NRG3: variants seen among roughly 807,000 people sequenced by gnomAD.
The protein encoded by NRG3 is neuregulin 3, also known as pro-neuregulin-3, membrane-bound isoform.
In NRG3, 31 loss-of-function variants were observed where a neutral mutation model predicts 66.9. That is an observed-to-expected ratio of 0.46 (90% CI 0.35 to 0.63). The LOEUF is 0.63. Ranked by LOEUF, NRG3 falls within the 20% of genes least tolerant of loss-of-function variation. The pLI is 0.00. For missense variants in NRG3, 910 were observed against 878.9 expected, an observed-to-expected ratio of 1.04 and a Z score of -0.45; for synonymous variants, 393 against 359.4, an observed-to-expected ratio of 1.09 and a Z score of -1.06.
intron 2 of NRG3, among the ~76,000 whole-genome samples, chr10:82,363,110 G>T (rs1310306383): frequency 6.6e-6 from 1 of 151,920 alleles, no homozygotes. Context: ...TAACAAATAT[G>T]GCAAAGAATT....
intron 1 of NRG3, among the ~76,000 whole-genome samples, chr10:82,057,723 T>C (rs1535159): frequency 1 from 152,283 of 152,284 alleles, 76,141 homozygotes; most frequent in Middle Eastern, 1. Context: ...TCTCCTTCAC[T>C]GCCTCCTCTT....
intron 2 of NRG3, among the ~76,000 whole-genome samples, chr10:82,658,876 T>C (rs1215166467): frequency 6.6e-6 from 1 of 152,226 alleles, no homozygotes; most frequent in East Asian, 1.9e-4. Context: ...CAATCATTTT[T>C]CACATGGGAA....
At chr10:81,975,314 CATCTATCTATCT>C (rs140419592) in intron 1 of NRG3, among the ~76,000 whole-genome samples, 22,358 of 143,636 alleles carry the variant, frequency 0.16, 1,716 homozygotes, top group Middle Eastern at 0.19. Flanking sequence ...AATTGTGTAA[CATCTATCTATCT>C]ATCTATCTAT....
At chr10:82,980,713 A>G (rs1237390199) in intron 8 of NRG3, among the ~76,000 whole-genome samples, 1 of 152,222 alleles carries the variant, frequency 6.6e-6, no homozygotes, top group Non-Finnish European at 1.5e-5. Flanking sequence ...TTTTGAAGCA[A>G]TTCCAAATGG....
intron 1 of NRG3, among the ~76,000 whole-genome samples, chr10:82,279,962 C>G (rs2079047170): frequency 6.6e-6 from 1 of 152,022 alleles, no homozygotes; most frequent in Non-Finnish European, 1.5e-5. Context: ...AATGAGAGAC[C>G]AATGGGATTG....
At chr10:81,946,898 G>T (rs537303147) in intron 1 of NRG3, among the ~76,000 whole-genome samples, 2 of 152,150 alleles carry the variant, frequency 1.3e-5, no homozygotes, top group South Asian at 4.1e-4. Flanking sequence ...GCTTAGTATC[G>T]CCATCTTCCA....
intron 2 of NRG3, among the ~76,000 whole-genome samples, chr10:82,545,518 A>G (rs900140424): frequency 2.6e-5 from 4 of 151,202 alleles, no homozygotes; most frequent in Admixed American, 2.6e-4. Context: ...AGCTGGTACT[A>G]TAGGCACCCG....
intron 2 of NRG3, 56 bp from the exon 3 acceptor site, chr10:82,738,521 A>C: frequency 7.3e-7 from 1 of 1,374,030 alleles, no homozygotes; most frequent in Non-Finnish European, 1.0e-6. Flanking sequence ...ACTTGTTGAA[A>C]TCTTAAGTCT....
rs142335780 is a variant in NRG3 at position 82,731,382 on chromosome 10, A to AAAG, written c.954-7193_954-7192insGAA. Among the ~76,000 whole-genome samples, 1,099 of 145,920 alleles carry AAAG rather than the reference A, an allele frequency of 7.5e-3. 25 individuals are homozygous for AAAG. The highest frequency in any genetic ancestry group is 0.02 in the African/African-American group (794 of 40,118). The stretch of plus-strand genomic sequence containing the variant: ...ACTCTGTCTCAAAAAAAAAAAAAAA[A>AAAG]AAAAGAAAATGTCATTAGTCTTTGA... On this transcript the variant is annotated intron_variant, in intron 2 of 8. Coordinates refer to ENST00000372141, the MANE Select transcript of NRG3 (RefSeq NM_001010848.4).
intron 1 of NRG3, among the ~76,000 whole-genome samples, chr10:81,919,647 A>T (rs1336772932): frequency 6.6e-6 from 1 of 152,176 alleles, no homozygotes; most frequent in Non-Finnish European, 1.5e-5. Flanking sequence ...CAACATGGAC[A>T]TGGCAAATGA....
At chr10:82,234,817 C>T (rs1219418249) in intron 1 of NRG3, among the ~76,000 whole-genome samples, 3 of 152,132 alleles carry the variant, frequency 2.0e-5, no homozygotes, top group African/African-American at 4.8e-5. Context: ...GCTGACAAGG[C>T]TGTCTACACT....
At chr10:82,157,733 T>C (rs977882236) in intron 1 of NRG3, among the ~76,000 whole-genome samples, 1 of 44,290 alleles carries the variant, frequency 2.3e-5, no homozygotes, top group African/African-American at 1.3e-4. Context: ...GGCAGAATGT[T>C]TGTGGTGTTA....
intron 2 of NRG3, among the ~76,000 whole-genome samples, chr10:82,456,173 T>C (rs1185773803): frequency 6.9e-6 from 1 of 145,926 alleles, no homozygotes; most frequent in Non-Finnish European, 1.5e-5. Context: ...AGAGAGGGCT[T>C]CACTTTGCTG....
At chr10:81,964,151 A>G (rs116466564) in intron 1 of NRG3, among the ~76,000 whole-genome samples, 94 of 152,296 alleles carry the variant, frequency 6.2e-4, no homozygotes, top group African/African-American at 2.1e-3. Context: ...CTCTGCATCA[A>G]GATATACACA....
intron 1 of NRG3, among the ~76,000 whole-genome samples, chr10:82,027,874 T>A (rs372802592): frequency 3.9e-4 from 60 of 151,926 alleles, no homozygotes; most frequent in African/African-American, 1.4e-3. Flanking sequence ...AGACAGGAGG[T>A]GGAGAGCAGA....
At chr10:82,335,069 A>C (rs1021795818) in intron 1 of NRG3, among the ~76,000 whole-genome samples, 1 of 152,346 alleles carries the variant, frequency 6.6e-6, no homozygotes, top group East Asian at 1.9e-4. Context: ...TTATGCCAAC[A>C]ATCAGCCCAC....
intron 1 of NRG3, among the ~76,000 whole-genome samples, chr10:82,086,600 C>G (rs570715950): frequency 6.6e-6 from 1 of 152,064 alleles, no homozygotes; most frequent in Non-Finnish European, 1.5e-5. Context: ...ATTGAAATAA[C>G]CATCATCAAG....
At chr10:82,913,476 G>T (rs995594890) in intron 4 of NRG3, among the ~76,000 whole-genome samples, 7 of 151,980 alleles carry the variant, frequency 4.6e-5, no homozygotes, top group African/African-American at 1.7e-4. Flanking sequence ...TTTTTGCAAG[G>T]TATGTGTACT....
At chr10:82,615,404 G>A (rs142332372) in intron 2 of NRG3, among the ~76,000 whole-genome samples, 47 of 152,012 alleles carry the variant, frequency 3.1e-4, no homozygotes, top group African/African-American at 1.1e-3. Context: ...CATTGTTAAT[G>A]GTATATTGTT....
Sources: allele counts gnomAD v4.1 joint callset (sites outside exome capture counted in the v4.1 genomes callset), GRCh38; gene constraint gnomAD v4.1.1; transcripts MANE v1.5; gene names NCBI Gene and HGNC (gene_info 2026-07-23, HGNC 2026-07-21).